BBX: variants seen among roughly 807,000 people sequenced by gnomAD.
The protein encoded by BBX is BBX high mobility group box domain containing.
BBX carries 30 observed loss-of-function variants against 100.2 expected under a neutral mutation model. That is an observed-to-expected ratio of 0.30 (90% confidence interval 0.22 to 0.41). BBX has a LOEUF of 0.41. Among genes scored for constraint, BBX ranks in the 10% least tolerant of loss-of-function variants. BBX has a pLI of 1.00. For synonymous variants in BBX, 376 were observed against 388.1 expected (o/e 0.97, Z 0.37); for missense variants, 1,023 against 1,129.8 (o/e 0.91, Z 1.35).
chr3:107,630,241 T>G (rs1178005860), intron 2 of BBX, among the ~76,000 whole-genome samples: 2 of 152,166 alleles, frequency 1.3e-5, no homozygotes, highest in African/African-American at 4.8e-5. Flanking sequence ...TTTTAAAGTG[T>G]CTCCTGTGAT....
In BBX at chr3:107,797,759, G is replaced by C. The variant is rs540836931; in HGVS notation, c.2354-764G>C. 2.0e-5 allele frequency among the ~76,000 whole-genome samples: 3 copies of C among 152,254 alleles called. No homozygotes were observed. The South Asian group carries it at 6.2e-4, about 32-fold the overall frequency. ...ACCAGGAGAAAAGTCTGTGGTACAG[G>C]TGTCTTCCTTGCTCTTGACAGAGTG... On this transcript the variant is annotated intron_variant, in intron 15 of 17. Coordinates refer to ENST00000325805, the MANE Select transcript of BBX (RefSeq NM_001142568.3).
At chr3:107,692,423 C>T (rs1038286969) in intron 3 of BBX, among the ~76,000 whole-genome samples, 1 of 151,650 alleles carries the variant, frequency 6.6e-6, no homozygotes, top group Non-Finnish European at 1.5e-5. Context: ...TCAATTCCCA[C>T]CTATGAGTGA....
At chr3:107,572,616 T>G (rs1462927945) in intron 2 of BBX, among the ~76,000 whole-genome samples, 1 of 152,196 alleles carries the variant, frequency 6.6e-6, no homozygotes, top group Admixed American at 6.5e-5. Flanking sequence ...TATAATCATT[T>G]CAGTATTTAA....
chr3:107,584,688 T>A, intron 2 of BBX, among the ~76,000 whole-genome samples: 1 of 117,214 alleles, frequency 8.5e-6, no homozygotes, highest in South Asian at 3.1e-4. Flanking sequence ...TTTTTTTTTT[T>A]TTTTTTTTTT....
At chr3:107,651,541 T>C (rs920398134) in intron 3 of BBX, among the ~76,000 whole-genome samples, 3 of 152,228 alleles carry the variant, frequency 2.0e-5, no homozygotes, top group Non-Finnish European at 2.9e-5. Context: ...ATTACTCTTT[T>C]GGGTTATACC....
At chr3:107,595,648 CTTGTT>C (rs1459782353) in intron 2 of BBX, among the ~76,000 whole-genome samples, 1 of 152,168 alleles carries the variant, frequency 6.6e-6, no homozygotes, top group Non-Finnish European at 1.5e-5. Flanking sequence ...TTCTGTGACT[CTTGTT>C]ATGTCAGAGC....
chr3:107,655,196 T>C (rs2058061483), intron 3 of BBX, among the ~76,000 whole-genome samples: 1 of 152,192 alleles, frequency 6.6e-6, no homozygotes, highest in African/African-American at 2.4e-5. Flanking sequence ...TTCTAAGTGA[T>C]AGAAGTTTGA....
chr3:107,679,141 T>TAA (rs35708083), intron 3 of BBX, among the ~76,000 whole-genome samples: 116 of 143,900 alleles, frequency 8.1e-4, no homozygotes, highest in South Asian at 2.6e-3. Flanking sequence ...AGGGCTTCAT[T>TAA]AAAAAAAAAA....
At chr3:107,552,474 C>T (rs553155208) in intron 2 of BBX, among the ~76,000 whole-genome samples, 1 of 149,630 alleles carries the variant, frequency 6.7e-6, no homozygotes, top group Non-Finnish European at 1.5e-5. Flanking sequence ...TGGATAACCA[C>T]AGAAACCTAG....
At chr3:107,663,556 G>A (rs999640783) in intron 3 of BBX, among the ~76,000 whole-genome samples, 22 of 151,882 alleles carry the variant, frequency 1.4e-4, no homozygotes, top group Admixed American at 9.8e-4. Flanking sequence ...TTTCTTGGTC[G>A]TTTTTCTCAT....
intron 2 of BBX, among the ~76,000 whole-genome samples, chr3:107,636,288 A>G (rs1015018934): frequency 6.6e-6 from 1 of 152,120 alleles, no homozygotes; most frequent in African/African-American, 2.4e-5. Flanking sequence ...ATATACATTC[A>G]AGGTACATGG....
At chr3:107,533,266 G>A (rs2048284867) in intron 2 of BBX, among the ~76,000 whole-genome samples, 1 of 152,162 alleles carries the variant, frequency 6.6e-6, no homozygotes, top group African/African-American at 2.4e-5. Flanking sequence ...TGATCCTATT[G>A]CATTAACTTC....
intron 13 of BBX, among the ~76,000 whole-genome samples, chr3:107,783,859 C>T (rs2068147578): frequency 6.6e-6 from 1 of 151,968 alleles, no homozygotes; most frequent in Admixed American, 6.6e-5. Flanking sequence ...AACAAGGAAG[C>T]ATTTCTAGTT....
chr3:107,805,309 C>A, intron 17 of BBX, 61 bp from the exon 18 acceptor site: 1 of 1,486,564 alleles, frequency 6.7e-7, no homozygotes. Context: ...TATTCATCGT[C>A]CTCTCCTGTC....
chr3:107,780,411 AC>A (rs2067753862), intron 13 of BBX, among the ~76,000 whole-genome samples: 1 of 151,980 alleles, frequency 6.6e-6, no homozygotes, highest in Non-Finnish European at 1.5e-5. Flanking sequence ...TTTTCATGAG[AC>A]CTTCTCTTGG....
intron 3 of BBX, among the ~76,000 whole-genome samples, chr3:107,693,728 C>A (rs1467763904): frequency 6.6e-6 from 1 of 151,836 alleles, no homozygotes; most frequent in South Asian, 2.1e-4. Context: ...CTTTCCAATT[C>A]TGTGAAGAAA....
intron 3 of BBX, among the ~76,000 whole-genome samples, chr3:107,698,100 A>C (rs969861641): frequency 1.7e-4 from 25 of 151,456 alleles, no homozygotes; most frequent in African/African-American, 5.9e-4. Flanking sequence ...ACTGAATGGC[A>C]CTCCCTAGTG....
chr3:107,748,033 T>G lies in BBX; in HGVS notation c.819T>G (p.Phe273Leu). The G allele has an allele frequency of 6.2e-7, 1 of 1,613,060 alleles. No homozygotes were observed. The highest frequency in any genetic ancestry group is 8.5e-7 in the Non-Finnish European group (1 of 1,179,184). ...GTCAAACATCTGCCTTGTTTCAGTT[T>G]GCAGAGGTATGGCCTTTTTAAAATG... is the stretch of plus-strand genomic sequence containing the variant. ...KQCQTSALFQ[F>L]AEISSNTSQL... Residue 273 changes from phenylalanine (F) to leucine (L), a missense_variant, in exon 9 of 18, where the codon TTT (phenylalanine) becomes TTG (leucine). Around this residue, in one of 9 missense-constraint regions of BBX, gnomAD observed 95 missense variants for 95.1 expected, o/e 1.00. Coordinates refer to ENST00000325805, the MANE Select transcript of BBX (RefSeq NM_001142568.3).
intron 2 of BBX, among the ~76,000 whole-genome samples, chr3:107,614,320 A>T (rs2055086262): frequency 6.6e-6 from 1 of 152,158 alleles, no homozygotes; most frequent in Non-Finnish European, 1.5e-5. Context: ...TACTTTAGCA[A>T]CCAGTATTCA....
Sources: gnomAD v4.1 joint callset for allele counts (sites outside exome capture counted in the v4.1 genomes callset) on GRCh38, gnomAD v4.1.1 for gene constraint, gnomAD v4.1.1 regional missense constraint, MANE v1.5 for transcripts, NCBI Gene and HGNC (gene_info 2026-07-23, HGNC 2026-07-21) for gene names.